Variants in TIMM23B observed in about 807,000 individuals in gnomAD.
TIMM23B encodes the protein translocase of inner mitochondrial membrane 23 homolog B, also known as mitochondrial import inner membrane translocase subunit Tim23B.
TIMM23B carries 27 observed loss-of-function variants against 27.3 expected under a neutral mutation model. The observed-to-expected ratio is 0.99, with a 90% confidence interval of 0.73 to 1.36. TIMM23B has a LOEUF of 1.36. Ranked by LOEUF, TIMM23B falls within the 40% of genes most tolerant of loss-of-function variation. The probability of loss-of-function intolerance (pLI) is 0.00; values close to 1 mark genes in which losing one functional copy is unlikely to be tolerated. For missense variants in TIMM23B, 205 were observed against 244.2 expected (o/e 0.84, Z 1.07); for synonymous variants, 73 against 92.4 (o/e 0.79, Z 1.21).
chr10:49,971,804 G>A (rs1220397320), intron 6 of TIMM23B, among the ~76,000 whole-genome samples: 3 of 152,194 alleles, frequency 2.0e-5, no homozygotes, highest in Non-Finnish European at 2.9e-5. Flanking sequence ...TTTACCATTT[G>A]TAAAACTAAG....
At chr10:49,953,403 T>C (rs1839606929) in intron 4 of TIMM23B, among the ~76,000 whole-genome samples, 1 of 152,214 alleles carries the variant, frequency 6.6e-6, no homozygotes, top group South Asian at 2.1e-4. Context: ...TGGAGTGCAA[T>C]GGTGCCATCA....
chr10:49,943,925 A>G (rs1336504814), intron 1 of TIMM23B, among the ~76,000 whole-genome samples: 4 of 152,178 alleles, frequency 2.6e-5, no homozygotes, highest in South Asian at 2.1e-4. Flanking sequence ...TAGGGAAAAC[A>G]TCTCAAGGGA....
intron 6 of TIMM23B, chr10:49,970,167 C>G (rs574017290): frequency 1.0e-3 from 159 of 154,948 alleles, no homozygotes; most frequent in Non-Finnish European, 2.6e-4. Context: ...AGCCGCCTGC[C>G]TTGGCCTCCC....
At chr10:49,967,050 G>A (rs1840192231) in intron 6 of TIMM23B, among the ~76,000 whole-genome samples, 1 of 151,892 alleles carries the variant, frequency 6.6e-6, no homozygotes, top group Non-Finnish European at 1.5e-5. Context: ...CTCCCAAGAT[G>A]CTAGGACTAC....
At chr10:49,949,197 C>CTTT (rs1318050672) in intron 2 of TIMM23B, among the ~76,000 whole-genome samples, 80 of 106,562 alleles carry the variant, frequency 7.5e-4, no homozygotes, top group African/African-American at 2.1e-3. Context: ...CATGCCTGGC[C>CTTT]TTTTTTTTTT....
rs1308199439 is a variant in TIMM23B, at chr10:49,953,863, T to C, written c.345-1139T>C. On this transcript the variant is annotated intron_variant, in intron 4 of 6. Coordinates refer to ENST00000651259, the MANE Select transcript of TIMM23B (RefSeq NM_001290117.2). ...TCAACAACCATCAACCATGGCCAGTTCTATCCCATCTCCCTCTCCTCTCCC... is the reference window on the plus strand; with the variant it reads ...TCAACAACCATCAACCATGGCCAGTCCTATCCCATCTCCCTCTCCTCTCCC... Among the ~76,000 whole-genome samples the C allele has an allele frequency of 2.0e-5, 3 of 152,306 alleles. No individual in the cohort carries two copies. In the East Asian group the frequency reaches 5.8e-4, roughly 29 times the overall value.
intron 6 of TIMM23B, among the ~76,000 whole-genome samples, chr10:49,972,068 G>A (rs1554856702): frequency 6.6e-6 from 1 of 152,162 alleles, no homozygotes; most frequent in African/African-American, 2.4e-5. Flanking sequence ...TTGCTTCGAT[G>A]TGAAACACTG....
chr10:49,950,822 G>T (rs1282700117), intron 2 of TIMM23B, among the ~76,000 whole-genome samples: 2 of 152,322 alleles, frequency 1.3e-5, no homozygotes, highest in South Asian at 4.1e-4. Flanking sequence ...GATTACAGGC[G>T]GGAGGCACCG....
chr10:49,943,229 T>G (rs1335277450), intron 1 of TIMM23B: 6 of 152,092 alleles, frequency 3.9e-5, no homozygotes, highest in Non-Finnish European at 2.9e-5. Flanking sequence ...TTTTGTTTGT[T>G]TTTAGAGTCA....
At chr10:49,951,880 C>G (rs1839541418) in intron 2 of TIMM23B, among the ~76,000 whole-genome samples, 1 of 152,208 alleles carries the variant, frequency 6.6e-6, no homozygotes, top group South Asian at 2.1e-4. Flanking sequence ...ACAAATCTAT[C>G]AGATTTACGT....
At chr10:49,948,708 G>A (rs1486528104) in intron 2 of TIMM23B, among the ~76,000 whole-genome samples, 1 of 152,224 alleles carries the variant, frequency 6.6e-6, no homozygotes, top group Non-Finnish European at 1.5e-5. Flanking sequence ...AGGGTTGGGA[G>A]TAAATGGGCA....
Position 49,942,283 on chromosome 10 carries a change from A to G in TIMM23B, c.89A>G (p.Asp30Gly). ...GAGEAGYSHA[D>G]LAGVPLTGMN... ...GGCGAAGCAGGTTACTCGCACGCGG[A>G]TTTGGCTGGCGTCCCGCGTAAGTAT... The change falls in exon 1 of 7, where the codon GAT becomes GGT. Residue 30 changes from aspartate to glycine, a missense_variant. Transcript: ENST00000651259. The G allele has an allele frequency of 6.2e-7, 1 of 1,611,944 alleles. No homozygotes were observed. Among genetic ancestry groups the G allele is most frequent in the Non-Finnish European group, 8.5e-7 (1 of 1,179,004 alleles).
intron 2 of TIMM23B, among the ~76,000 whole-genome samples, chr10:49,947,839 A>G (rs1440496805): frequency 1.3e-5 from 2 of 152,132 alleles, no homozygotes; most frequent in African/African-American, 4.8e-5. Flanking sequence ...CTGAGGTGGG[A>G]GGATCACTTG....
At chr10:49,947,894 C>T (rs1839403898) in intron 2 of TIMM23B, among the ~76,000 whole-genome samples, 1 of 152,138 alleles carries the variant, frequency 6.6e-6, no homozygotes, top group Non-Finnish European at 1.5e-5. Flanking sequence ...AACCACTTAA[C>T]TCCAGCCTGG....
At position 49,946,599 on chromosome 10, in the gene TIMM23B, A is replaced by C. The variant is rs1309337335; in HGVS notation, c.165+1509A>C. Among the ~76,000 whole-genome samples, 84 of 151,934 alleles carry C rather than the reference A, an allele frequency of 5.5e-4. No individual in the cohort carries two copies. In the Middle Eastern group the frequency reaches 0.02, roughly 37 times the overall value. On this transcript the variant is annotated intron_variant, in intron 2 of 6. Transcript: ENST00000651259. ...TACAAAAAACAGTTGATTACCAATAACATCAAAAAGCAAATACTTAGAAAT... is the reference window on the plus strand; with the variant it reads ...TACAAAAAACAGTTGATTACCAATACCATCAAAAAGCAAATACTTAGAAAT...
chr10:49,942,570 G>T (rs1190284191), intron 1 of TIMM23B, among the ~76,000 whole-genome samples: 5 of 152,056 alleles, frequency 3.3e-5, no homozygotes, highest in African/African-American at 9.7e-5. Context: ...TCCAAGCCTC[G>T]TACGTTTTGT....
At chr10:49,966,874 C>T (rs1266057414) in intron 6 of TIMM23B, among the ~76,000 whole-genome samples, 1 of 152,170 alleles carries the variant, frequency 6.6e-6, no homozygotes, top group Non-Finnish European at 1.5e-5. Flanking sequence ...CTCTATCTGA[C>T]AGCTGCTAGT....
intron 1 of TIMM23B, chr10:49,943,226 T>C (rs1237228538): frequency 1.3e-5 from 2 of 152,132 alleles, no homozygotes; most frequent in Non-Finnish European, 2.9e-5. Flanking sequence ...TTTTTTTGTT[T>C]GTTTTTAGAG....
chr10:49,942,151 A>G lies in TIMM23B; in HGVS notation c.-44A>G. ...GGAGTAACGGCCCAGCGGACCACCC[A>G]GGCTTGAGGCAGCGGCGGGAACCAC... On this transcript the variant is annotated 5_prime_UTR_variant, in exon 1 of 7. Coordinates refer to ENST00000651259, the MANE Select transcript of TIMM23B (RefSeq NM_001290117.2). 1 of 1,567,276 alleles carries G rather than the reference A, an allele frequency of 6.4e-7. No homozygotes were observed. The highest frequency in any genetic ancestry group is 8.7e-7 in the Non-Finnish European group (1 of 1,153,632).
Sources: allele counts gnomAD v4.1 joint callset (sites outside exome capture counted in the v4.1 genomes callset), GRCh38; gene constraint gnomAD v4.1.1; transcripts MANE v1.5; gene names NCBI Gene and HGNC (gene_info 2026-07-23, HGNC 2026-07-21).